The following MED17 variants were observed in gnomAD, a reference collection of about 807,000 sequenced individuals.
MED17 encodes mediator of RNA polymerase II transcription subunit 17.
MED17 carries 49 observed loss-of-function variants against 80.8 expected under a neutral mutation model. That is an observed-to-expected ratio of 0.61 (90% CI 0.48 to 0.77). MED17 has a LOEUF of 0.77. Among genes scored for constraint, MED17 ranks in the 30% least tolerant of loss-of-function variants. The probability of loss-of-function intolerance (pLI) is 0.00; values close to 1 mark genes in which losing one functional copy is unlikely to be tolerated. For missense variants in MED17, 718 were observed against 787.0 expected (o/e 0.91, Z 1.05); for synonymous variants, 281 against 280.4 (o/e 1.00, Z -0.02).
chr11:93,786,810 C>T (rs1002927862), intron 1 of MED17, among the ~76,000 whole-genome samples: 3 of 152,118 alleles, frequency 2.0e-5, no homozygotes, highest in Non-Finnish European at 2.9e-5. Context: ...ACTATTACCA[C>T]GACTAAAAAT....
intron 7 of MED17, 91 bp from the exon 8 acceptor site, chr11:93,797,444 C>A: frequency 1.6e-6 from 2 of 1,268,512 alleles, no homozygotes; most frequent in Non-Finnish European, 2.3e-6. Context: ...AAATCCATTC[C>A]TTTCAGTGTT....
At position 93,793,951 on chromosome 11, in the gene MED17, G is replaced by A. The variant is rs748890479; in HGVS notation, c.775G>A (p.Val259Ile). The A allele has an allele frequency of 3.7e-6, 6 of 1,613,764 alleles. No individual in the cohort carries two copies. In the South Asian group the frequency reaches 6.6e-5, roughly 18 times the overall value. The change falls in exon 5 of 12, where the codon GTT becomes ATT. Residue 259 changes from valine to isoleucine, a missense_variant and splice_region_variant. Val to Ile is a conservative substitution (Grantham distance 29, BLOSUM62 3). Coordinates refer to ENST00000251871, the MANE Select transcript of MED17 (RefSeq NM_004268.5). ...SDLEGSAYIK[V>I]SIQKQAPDIG... ...TTTTTTTGTTTTTGTTGTCATATAG[G>A]TTTCAATACAAAAACAGGCTCCAGA...
rs557560538 is a variant in MED17, at chr11:93,812,716, G to A, written c.*652G>A. ...CTCCCAAAGTGCTAGGATTACAGGC[G>A]TGAGCCACCATGCCCAGCCTACTCT... On this transcript the variant is annotated 3_prime_UTR_variant, in exon 12 of 12. Coordinates refer to ENST00000251871, the MANE Select transcript of MED17 (RefSeq NM_004268.5). 2.3e-4 allele frequency: 36 copies of A among 153,700 alleles called. No homozygotes were observed. The highest frequency in any genetic ancestry group is 1.0e-3 in the South Asian group (5 of 4,886). 9.5% of individuals were successfully genotyped at this position (153,700 alleles called of 1,614,324 possible). A position where few individuals can be genotyped will look rare whatever the true frequency, so the allele number is the denominator to read the frequency against.
chr11:93,798,456 A>G (rs1297447198), intron 8 of MED17, among the ~76,000 whole-genome samples: 2 of 152,202 alleles, frequency 1.3e-5, no homozygotes, highest in African/African-American at 4.8e-5. Context: ...GTCATTAAAT[A>G]GATGATATTT....
intron 1 of MED17, among the ~76,000 whole-genome samples, chr11:93,787,022 A>G (rs1159005545): frequency 1.3e-5 from 2 of 152,094 alleles, no homozygotes; most frequent in Non-Finnish European, 2.9e-5. Context: ...CTAACATGGA[A>G]GTGTCTCTAG....
intron 11 of MED17, 95 bp downstream of exon 11, chr11:93,809,971 C>T (rs1322145033): frequency 1.6e-6 from 2 of 1,265,606 alleles, no homozygotes; most frequent in Non-Finnish European, 2.3e-6. Flanking sequence ...TAATTTATCT[C>T]TGCAATAAAT....
intron 3 of MED17, among the ~76,000 whole-genome samples, chr11:93,792,384 G>T (rs1943846503): frequency 6.6e-6 from 1 of 152,112 alleles, no homozygotes; most frequent in Non-Finnish European, 1.5e-5. Context: ...ATTTTAATAG[G>T]TGGTCTGTAG....
intron 9 of MED17, 148 bp downstream of exon 9, chr11:93,802,120 TAATAGGTGGAGTCTCAC>T: frequency 1.4e-6 from 1 of 721,556 alleles, no homozygotes; most frequent in Non-Finnish European, 2.2e-6. Context: ...TTTTTTTTTT[TAATAGGTGGAGTCTCAC>T]TCTTTTACCC....
rs767110099 is a variant in MED17, at chr11:93,788,084, C to G, written c.334C>G (p.Leu112Val). Reference sequence around the variant, plus strand: ...AAGTGCCCTGACAGAGATGTGTGTTCTCTATGATGTTCTCAGTATTGTTAG... The same window carrying G: ...AAGTGCCCTGACAGAGATGTGTGTTGTCTATGATGTTCTCAGTATTGTTAG... ...LRSALTEMCV[L>V]YDVLSIVRDK... Residue 112 changes from leucine to valine, a missense_variant, in exon 2 of 12, where the codon CTC becomes GTC. By Grantham distance (32) the Leu-to-Val change is conservative. Transcript: ENST00000251871. 6.2e-7 allele frequency: 1 copy of G among 1,613,454 alleles called. No homozygotes were observed. Among genetic ancestry groups the G allele is most frequent in the South Asian group, 1.1e-5 (1 of 91,070 alleles).
chr11:93,786,253 G>C (rs1280223522), intron 1 of MED17, among the ~76,000 whole-genome samples: 3 of 152,124 alleles, frequency 2.0e-5, no homozygotes, highest in Non-Finnish European at 4.4e-5. Flanking sequence ...ATAGAGGAGA[G>C]ACTTCAGATA....
intron 8 of MED17, chr11:93,801,079 G>C (rs569570451): frequency 2.0e-4 from 30 of 152,322 alleles, no homozygotes; most frequent in African/African-American, 7.2e-4. Context: ...TGGATTCCCA[G>C]GTTTTTGGCT....
chr11:93,794,693 G>T, intron 5 of MED17: 1 of 588,430 alleles, frequency 1.7e-6, no homozygotes, highest in Non-Finnish European at 3.0e-6. Flanking sequence ...AGATTGGGGT[G>T]GTGGGGAACT....
intron 1 of MED17, 29 bp downstream of exon 1, chr11:93,784,792 C>T: frequency 6.5e-7 from 1 of 1,534,130 alleles, no homozygotes; most frequent in Non-Finnish European, 8.7e-7. Flanking sequence ...GCCCGAGTCC[C>T]CCGGTCTGGG....
At chr11:93,803,377 G>T (rs531857335) in intron 9 of MED17, among the ~76,000 whole-genome samples, 4 of 152,292 alleles carry the variant, frequency 2.6e-5, no homozygotes, top group African/African-American at 9.6e-5. Flanking sequence ...AGCAGATGCA[G>T]AGTATGAAAG....
intron 8 of MED17, 51 bp downstream of exon 8, chr11:93,797,770 GT>G (rs774733401): frequency 2.0e-5 from 30 of 1,488,016 alleles, no homozygotes; most frequent in African/African-American, 9.7e-5. Flanking sequence ...AAATTGCAGT[GT>G]TTTCTTCTGT....
At chr11:93,797,907 A>T (rs1485039428) in intron 8 of MED17, among the ~76,000 whole-genome samples, 188 bp downstream of exon 8, 3 of 152,186 alleles carry the variant, frequency 2.0e-5, no homozygotes, top group African/African-American at 7.2e-5. Context: ...TCCACTTCTG[A>T]TCTAACAGTG....
At chr11:93,790,112 A>G (rs1943817438) in intron 2 of MED17, 1 of 194,356 alleles carries the variant, frequency 5.1e-6, no homozygotes. Context: ...TAAATCAAAT[A>G]TTATGTGCCA....
At chr11:93,794,884 A>G (rs768769792) in intron 5 of MED17, 24 bp from the exon 6 acceptor site, 1 of 1,611,702 alleles carries the variant, frequency 6.2e-7, no homozygotes, top group Admixed American at 1.7e-5. Context: ...TAGATAATTG[A>G]TACATATATT....
chr11:93,793,120 T>TTTC (rs1393775895), intron 3 of MED17: 1 of 121,338 alleles, frequency 8.2e-6, no homozygotes, highest in African/African-American at 2.8e-5. Flanking sequence ...ACCTCTTTTT[T>TTTC]TTTTTTTTTT....
Sources: allele counts gnomAD v4.1 joint callset (sites outside exome capture counted in the v4.1 genomes callset), GRCh38; gene constraint gnomAD v4.1.1; transcripts MANE v1.5; gene names NCBI Gene and HGNC (gene_info 2026-07-23, HGNC 2026-07-21).